The following CDH13 variants were observed in gnomAD, a reference collection of about 807,000 sequenced individuals.
CDH13 encodes the protein cadherin 13.
CDH13 carries 24 observed loss-of-function variants against 63.8 expected under a neutral mutation model. That is an observed-to-expected ratio of 0.38 (90% CI 0.27 to 0.53). CDH13 has a LOEUF of 0.53. Among genes scored for constraint, CDH13 ranks in the 20% least tolerant of loss-of-function variants. CDH13 has a pLI of 0.85. For synonymous variants in CDH13, 503 were observed against 355.3 expected, an observed-to-expected ratio of 1.42 and a Z score of -4.67; for missense variants, 1,049 against 903.1, an observed-to-expected ratio of 1.16 and a Z score of -2.07.
chr16:83,620,241 A>C (rs1909683631), intron 8 of CDH13, among the ~76,000 whole-genome samples: 1 of 152,022 alleles, frequency 6.6e-6, no homozygotes, highest in Non-Finnish European at 1.5e-5. Context: ...AAATACAAAA[A>C]TTAGCCGGGC....
At chr16:83,471,993 A>G (rs909898011) in intron 6 of CDH13, among the ~76,000 whole-genome samples, 1 of 152,166 alleles carries the variant, frequency 6.6e-6, no homozygotes, top group African/African-American at 2.4e-5. Flanking sequence ...TTCATTGAAG[A>G]CTTCTCTTCT....
chr16:83,496,386 C>G (rs1394307146), intron 7 of CDH13, among the ~76,000 whole-genome samples: 2 of 150,446 alleles, frequency 1.3e-5, no homozygotes, highest in Non-Finnish European at 3.0e-5. Context: ...CTTTGACAAA[C>G]CTGAGAAAAA....
At chr16:83,301,695 T>C (rs2089750715) in intron 5 of CDH13, among the ~76,000 whole-genome samples, 2 of 152,172 alleles carry the variant, frequency 1.3e-5, no homozygotes, top group South Asian at 4.1e-4. Context: ...TGTACCTTAT[T>C]ATGGCTATAC....
intron 1 of CDH13, among the ~76,000 whole-genome samples, chr16:82,777,227 C>T (rs896312618): frequency 3.3e-5 from 5 of 152,328 alleles, no homozygotes; most frequent in Admixed American, 2.0e-4. Context: ...CCTCCACTTT[C>T]CAAAGTGCTA....
At chr16:83,333,782 A>G (rs917805058) in intron 5 of CDH13, among the ~76,000 whole-genome samples, 1 of 152,208 alleles carries the variant, frequency 6.6e-6, no homozygotes, top group Non-Finnish European at 1.5e-5. Context: ...TGCCCAGGAC[A>G]GCTTTGGTTT....
intron 3 of CDH13, among the ~76,000 whole-genome samples, chr16:83,113,118 A>T (rs2151624580): frequency 6.6e-6 from 1 of 152,332 alleles, no homozygotes; most frequent in Middle Eastern, 3.4e-3. Flanking sequence ...AGAAAACAAA[A>T]CCAAGACACC....
chr16:82,698,338 C>T (rs1033362980), intron 1 of CDH13, among the ~76,000 whole-genome samples: 1 of 152,216 alleles, frequency 6.6e-6, no homozygotes, highest in South Asian at 2.1e-4. Context: ...GCAAAGAACT[C>T]TATCTCCTGG....
At chr16:83,089,690 T>G (rs1485514420) in intron 3 of CDH13, among the ~76,000 whole-genome samples, 1 of 147,086 alleles carries the variant, frequency 6.8e-6, no homozygotes, top group Non-Finnish European at 1.5e-5. Flanking sequence ...AATTCGAGTC[T>G]GAATGTTTAT....
At chr16:82,792,213 T>G (rs1255389275) in intron 1 of CDH13, among the ~76,000 whole-genome samples, 2 of 152,186 alleles carry the variant, frequency 1.3e-5, no homozygotes, top group African/African-American at 4.8e-5. Flanking sequence ...CTTGCTGTCC[T>G]GGCATCCCGG....
At chr16:82,782,040 G>C (rs1697589604) in intron 1 of CDH13, among the ~76,000 whole-genome samples, 1 of 152,210 alleles carries the variant, frequency 6.6e-6, no homozygotes, top group South Asian at 2.1e-4. Flanking sequence ...CACAACAGCA[G>C]GAAATTAAGT....
intron 3 of CDH13, among the ~76,000 whole-genome samples, chr16:83,063,246 G>C (rs200019219): frequency 3.3e-5 from 5 of 152,180 alleles, no homozygotes; most frequent in African/African-American, 9.6e-5. Context: ...ACAGGTGTGA[G>C]CTATCACGCC....
intron 1 of CDH13, among the ~76,000 whole-genome samples, chr16:82,712,107 AAAAACTTACCAGCAAACAAATCATCCAAC>A (rs1379776673): frequency 6.6e-6 from 1 of 152,182 alleles, no homozygotes; most frequent in Non-Finnish European, 1.5e-5. Context: ...ATATCTTAAA[AAAAACTTACCAGCAAACAAATCATCCAAC>A]TGCCTTTCAT....
rs184362008 is a variant in CDH13, at chr16:83,436,689, T to C, written c.782-49788T>C. ...GTGATGTGCCAAGTAATATGTTCCA[T>C]GTGTAATCCCAGTTTTCTGATAGTA... is the stretch of plus-strand genomic sequence containing the variant. On this transcript the variant is annotated intron_variant, in intron 6 of 13. Coordinates refer to ENST00000567109, the MANE Select transcript of CDH13 (RefSeq NM_001257.5). 2.4e-4 allele frequency among the ~76,000 whole-genome samples: 36 copies of C among 152,352 alleles called. No individual in the cohort carries two copies. In the East Asian group the frequency reaches 6.9e-3, roughly 29 times the overall value.
chr16:82,676,186 G>T (rs559071173), intron 1 of CDH13, among the ~76,000 whole-genome samples: 1 of 152,006 alleles, frequency 6.6e-6, no homozygotes, highest in East Asian at 1.9e-4. Flanking sequence ...TTGGTCTTTC[G>T]GTTTAGTCAT....
At chr16:83,417,706 G>A (rs755164550) in intron 6 of CDH13, among the ~76,000 whole-genome samples, 17 of 152,280 alleles carry the variant, frequency 1.1e-4, no homozygotes, top group Middle Eastern at 6.8e-3. Context: ...CTCCTCTTAC[G>A]AAGCAGACAG....
chr16:83,169,237 C>G (rs113906098), intron 4 of CDH13, among the ~76,000 whole-genome samples: 24,290 of 151,130 alleles, frequency 0.16, 2,061 homozygotes, highest in South Asian at 0.19. Flanking sequence ...AGTGCAGTGG[C>G]GGGATCTTGG....
intron 5 of CDH13, among the ~76,000 whole-genome samples, chr16:83,251,549 A>T (rs1415029235): frequency 2.0e-5 from 3 of 152,104 alleles, no homozygotes; most frequent in Admixed American, 6.5e-5. Flanking sequence ...CCTCATTCTG[A>T]TGGGTCCAAT....
chr16:83,007,487 A>G (rs1042831066), intron 2 of CDH13, among the ~76,000 whole-genome samples: 5 of 152,120 alleles, frequency 3.3e-5, no homozygotes, highest in African/African-American at 2.4e-5. Flanking sequence ...TCTGAACTCT[A>G]TTGCTTTCAT....
chr16:83,385,131 T>C (rs181825230), intron 6 of CDH13, among the ~76,000 whole-genome samples: 114 of 152,340 alleles, frequency 7.5e-4, no homozygotes, highest in African/African-American at 2.5e-3. Flanking sequence ...TATATATTTT[T>C]TGCAAACATT....
Sources: allele counts gnomAD v4.1 joint callset (sites outside exome capture counted in the v4.1 genomes callset), GRCh38; gene constraint gnomAD v4.1.1; transcripts MANE v1.5; gene names NCBI Gene and HGNC (gene_info 2026-07-23, HGNC 2026-07-21).